The following LRRC7 variants were observed in gnomAD, a reference collection of about 807,000 sequenced individuals.
LRRC7 encodes leucine rich repeat containing 7.
LRRC7 carries 23 observed loss-of-function variants against 175.7 expected under a neutral mutation model. The observed-to-expected ratio is 0.13, with a 90% CI of 0.09 to 0.19. The LOEUF is 0.19. LRRC7 is among the 10% of genes least tolerant of loss of function. The pLI is 1.00. For missense variants in LRRC7, 1,354 were observed against 1,904.7 expected, an observed-to-expected ratio of 0.71 and a Z score of 5.38; for synonymous variants, 685 against 680.9, an observed-to-expected ratio of 1.01 and a Z score of -0.09.
intron 23 of LRRC7, among the ~76,000 whole-genome samples, chr1:70,074,099 G>T (rs917572278): frequency 6.6e-6 from 1 of 152,142 alleles, no homozygotes; most frequent in African/African-American, 2.4e-5. Context: ...CTACTTGGGA[G>T]GCTGAGGCAG....
intron 7 of LRRC7, among the ~76,000 whole-genome samples, chr1:69,841,447 A>G (rs527809102): frequency 6.6e-6 from 1 of 152,182 alleles, no homozygotes; most frequent in East Asian, 1.9e-4. Flanking sequence ...ATACCAGGAG[A>G]CAGGGATTAA....
intron 8 of LRRC7, among the ~76,000 whole-genome samples, chr1:69,964,932 G>T (rs1363840934): frequency 6.6e-6 from 1 of 152,110 alleles, no homozygotes; most frequent in African/African-American, 2.4e-5. Context: ...CTTATACCTG[G>T]CCATCTAGAT....
In LRRC7 at chr1:69,898,117, C is replaced by A. The variant is rs528493927; in HGVS notation, c.648-33390C>A. On this transcript the variant is annotated intron_variant, in intron 7 of 26. Coordinates refer to ENST00000651989, the MANE Select transcript of LRRC7 (RefSeq NM_001370785.2). ...TTCAGAGAGAGTAGAATTCATAGGG[C>A]TTGGTGAATAATTCATCATGGGGTA... 3.9e-5 allele frequency among the ~76,000 whole-genome samples: 6 copies of A among 152,206 alleles called. 1 individual carries two copies. The highest frequency in any genetic ancestry group is 3.9e-4 in the Admixed American group (6 of 15,300).
intron 8 of LRRC7, among the ~76,000 whole-genome samples, chr1:69,941,655 A>T (rs979501504): frequency 4.6e-5 from 7 of 151,816 alleles, no homozygotes. Context: ...TATTCAGAAT[A>T]AAAAAAAGAA....
chr1:70,063,782 T>C (rs1260139816), intron 23 of LRRC7, among the ~76,000 whole-genome samples: 2 of 151,982 alleles, frequency 1.3e-5, no homozygotes, highest in African/African-American at 2.4e-5. Context: ...TGTAGACTCA[T>C]CCTCAGTTTC....
intron 10 of LRRC7, among the ~76,000 whole-genome samples, chr1:69,991,400 G>T: frequency 6.6e-6 from 1 of 152,124 alleles, no homozygotes; most frequent in East Asian, 1.9e-4. Context: ...GGTTCTCAAA[G>T]TAACTGTTGT....
rs1158808958 is a variant in LRRC7 at position 69,641,452 on chromosome 1, CTA to C, written c.3-36928_3-36927del. ...GGAAATAAAGGGTAAAATGAAAACT[CTA>C]AACATTAGCTTTAAGAAATAAATTA... is the stretch of plus-strand genomic sequence containing the variant. On this transcript the variant is annotated intron_variant, in intron 1 of 26. Transcript: ENST00000651989. Among the ~76,000 whole-genome samples, 3 of 151,476 alleles carry C rather than the reference CTA, an allele frequency of 2.0e-5. No homozygotes were observed. In the East Asian group the frequency reaches 5.8e-4, roughly 30 times the overall value.
intron 7 of LRRC7, chr1:69,879,797 G>A (rs1379966177): frequency 1.3e-5 from 2 of 152,234 alleles, no homozygotes; most frequent in Admixed American, 6.5e-5. Flanking sequence ...AAACGGAGCA[G>A]GTCAAAATTT....
chr1:69,731,500 A>G (rs1667579066), intron 2 of LRRC7, among the ~76,000 whole-genome samples: 2 of 152,226 alleles, frequency 1.3e-5, no homozygotes, highest in Admixed American at 1.3e-4. Flanking sequence ...TTTTACCAAA[A>G]TGTGGAAGAA....
chr1:69,856,252 T>G (rs1683606491), intron 7 of LRRC7, among the ~76,000 whole-genome samples: 1 of 152,018 alleles, frequency 6.6e-6, no homozygotes, highest in Non-Finnish European at 1.5e-5. Context: ...AGGTAAGAAA[T>G]AACTAAAATC....
chr1:69,891,875 AG>A (rs1207724764), intron 7 of LRRC7, among the ~76,000 whole-genome samples: 27 of 152,216 alleles, frequency 1.8e-4, no homozygotes, highest in African/African-American at 6.5e-4. Flanking sequence ...TGCTCAACAC[AG>A]GGTTGCCACA....
intron 2 of LRRC7, among the ~76,000 whole-genome samples, chr1:69,750,448 T>C (rs1158494801): frequency 1.3e-5 from 2 of 152,214 alleles, no homozygotes; most frequent in Non-Finnish European, 2.9e-5. Context: ...TGTACAACCA[T>C]ATGTATAATT....
chr1:69,788,255 A>C (rs889880324), intron 3 of LRRC7, among the ~76,000 whole-genome samples: 1 of 152,194 alleles, frequency 6.6e-6, no homozygotes, highest in Non-Finnish European at 1.5e-5. Context: ...GACTCATGTA[A>C]GTCTATGTGT....
At chr1:69,682,926 T>C (rs1383840255) in intron 2 of LRRC7, among the ~76,000 whole-genome samples, 1 of 152,182 alleles carries the variant, frequency 6.6e-6, no homozygotes, top group Non-Finnish European at 1.5e-5. Context: ...GTCCCAAATA[T>C]ACTTCCTCTA....
intron 1 of LRRC7, among the ~76,000 whole-genome samples, chr1:69,599,281 T>C (rs1261309311): frequency 1.3e-5 from 2 of 152,346 alleles, no homozygotes; most frequent in East Asian, 3.9e-4. Context: ...ATTGTGTATA[T>C]CTGAAGATGC....
At chr1:69,629,570 C>G (rs2100366393) in intron 1 of LRRC7, among the ~76,000 whole-genome samples, 1 of 152,200 alleles carries the variant, frequency 6.6e-6, no homozygotes, top group African/African-American at 2.4e-5. Context: ...CACAGAGATT[C>G]TAGTCCCAGG....
At chr1:69,819,928 C>T (rs1210085096) in intron 4 of LRRC7, among the ~76,000 whole-genome samples, 2 of 152,022 alleles carry the variant, frequency 1.3e-5, no homozygotes, top group Non-Finnish European at 2.9e-5. Flanking sequence ...CTACATAAGT[C>T]CCTAAAGTTT....
chr1:69,755,421 T>C (rs1460847801), intron 2 of LRRC7, among the ~76,000 whole-genome samples: 1 of 149,324 alleles, frequency 6.7e-6, no homozygotes, highest in East Asian at 2.0e-4. Flanking sequence ...TATATATATT[T>C]TGCAAGGATA....
At chr1:69,992,193 T>C (rs1319904477) in intron 10 of LRRC7, among the ~76,000 whole-genome samples, 1 of 152,124 alleles carries the variant, frequency 6.6e-6, no homozygotes, top group Non-Finnish European at 1.5e-5. Context: ...TTTATTATAA[T>C]CTTAGATTTG....
Sources: gnomAD v4.1 joint callset for allele counts (sites outside exome capture counted in the v4.1 genomes callset) on GRCh38, gnomAD v4.1.1 for gene constraint, MANE v1.5 for transcripts, NCBI Gene and HGNC (gene_info 2026-07-23, HGNC 2026-07-21) for gene names.